KLHL29: variants seen among roughly 807,000 people sequenced by gnomAD.
The protein encoded by KLHL29 is kelch-like protein 29.
KLHL29 carries 21 observed loss-of-function variants against 80.4 expected under a neutral mutation model. The ratio of observed to expected loss-of-function variants is 0.26; its 90% CI spans 0.19 to 0.38. KLHL29 has a LOEUF of 0.38. Among genes scored for constraint, KLHL29 ranks in the 10% least tolerant of loss-of-function variants. The probability of loss-of-function intolerance (pLI) is 1.00; values close to 1 mark genes in which losing one functional copy is unlikely to be tolerated. For synonymous variants in KLHL29, 511 were observed against 526.8 expected, an observed-to-expected ratio of 0.97 and a Z score of 0.41; for missense variants, 867 against 1,223.9, an observed-to-expected ratio of 0.71 and a Z score of 4.35.
intron 3 of KLHL29, among the ~76,000 whole-genome samples, chr2:23,597,419 T>A (rs1351621379): frequency 9.0e-5 from 8 of 88,482 alleles, no homozygotes; most frequent in East Asian, 6.3e-4. Context: ...TTTTTTTTTT[T>A]TTTTTTTTTT....
chr2:23,481,700 G>A (rs575748742), intron 2 of KLHL29, among the ~76,000 whole-genome samples: 6 of 152,220 alleles, frequency 3.9e-5, no homozygotes, highest in East Asian at 1.9e-4. Flanking sequence ...CAGATCATCC[G>A]AGGTCAGGAG....
intron 2 of KLHL29, among the ~76,000 whole-genome samples, chr2:23,523,504 T>G (rs1666174869): frequency 6.6e-6 from 1 of 152,220 alleles, no homozygotes; most frequent in Non-Finnish European, 1.5e-5. Context: ...CCAAAATCCC[T>G]TTCAGCTAAG....
chr2:23,542,966 C>A (rs1403787370), intron 2 of KLHL29, among the ~76,000 whole-genome samples: 1 of 152,222 alleles, frequency 6.6e-6, no homozygotes, highest in East Asian at 1.9e-4. Flanking sequence ...TTAGTCGGGG[C>A]AGGCTAACTA....
At chr2:23,540,867 T>G (rs1666812459) in intron 2 of KLHL29, among the ~76,000 whole-genome samples, 1 of 152,206 alleles carries the variant, frequency 6.6e-6, no homozygotes, top group Non-Finnish European at 1.5e-5. Context: ...CTGGGCATGA[T>G]CCTGAAGGAA....
intron 3 of KLHL29, among the ~76,000 whole-genome samples, chr2:23,633,755 T>TGTGTGTGTGTGTGTGTGTGTGTGTG (rs1558416938): frequency 3.6e-5 from 1 of 27,854 alleles, no homozygotes; most frequent in Non-Finnish European, 5.8e-5. Flanking sequence ...GTCACAGCAC[T>TGTGTGTGTGTGTGTGTGTGTGTGTG]CGTGTGTGTG....
chr2:23,656,079 TATAAA>T (rs1670235521), intron 5 of KLHL29, among the ~76,000 whole-genome samples: 1 of 152,204 alleles, frequency 6.6e-6, no homozygotes, highest in African/African-American at 2.4e-5. Context: ...CTGGCCGTGT[TATAAA>T]AAGAAAGGGA....
At position 23,466,273 on chromosome 2, in the gene KLHL29, A is replaced by G. The variant is rs78987398; in HGVS notation, c.-153-9287A>G. On this transcript the variant is annotated intron_variant, in intron 1 of 13. Transcript: ENST00000486442. ...GACAGAGAGAACCACATCAACTTCT[A>G]AATTTTCTCAATGGAGTGCAATGTG... 6.0e-3 allele frequency among the ~76,000 whole-genome samples: 908 copies of G among 152,326 alleles called. 13 individuals carry two copies. Among genetic ancestry groups the G allele is most frequent in the African/African-American group, 0.021 (867 of 41,560 alleles).
At chr2:23,451,322 G>T (rs1663873202) in intron 1 of KLHL29, among the ~76,000 whole-genome samples, 1 of 152,196 alleles carries the variant, frequency 6.6e-6, no homozygotes, top group African/African-American at 2.4e-5. Flanking sequence ...GGGACCCAGG[G>T]AATGTGAGTT....
chr2:23,566,699 G>C (rs946932250), intron 3 of KLHL29, among the ~76,000 whole-genome samples: 1 of 152,234 alleles, frequency 6.6e-6, no homozygotes, highest in South Asian at 2.1e-4. Context: ...TAGAAGCTGA[G>C]TATGTCTCTG....
At chr2:23,514,399 T>C (rs976696305) in intron 2 of KLHL29, among the ~76,000 whole-genome samples, 5 of 152,080 alleles carry the variant, frequency 3.3e-5, no homozygotes, top group Admixed American at 1.3e-4. Flanking sequence ...GGGTGCAGAG[T>C]GCCAGGTGGG....
intron 2 of KLHL29, among the ~76,000 whole-genome samples, chr2:23,549,460 C>CT (rs879910465): frequency 8.5e-4 from 124 of 145,596 alleles, no homozygotes; most frequent in Admixed American, 2.7e-3. Flanking sequence ...GTCTGGGCTT[C>CT]TTTTTTTTTT....
intron 2 of KLHL29, among the ~76,000 whole-genome samples, chr2:23,519,829 A>G (rs1274497334): frequency 6.6e-6 from 1 of 152,184 alleles, no homozygotes; most frequent in African/African-American, 2.4e-5. Flanking sequence ...GGGAGCTTCC[A>G]GGTCCCAGAT....
chr2:23,550,930 G>A (rs1185983825), intron 2 of KLHL29, among the ~76,000 whole-genome samples: 1 of 152,234 alleles, frequency 6.6e-6, no homozygotes, highest in Non-Finnish European at 1.5e-5. Flanking sequence ...AAGCCTGCTT[G>A]GAGAAGGAAA....
chr2:23,509,963 A>G (rs1665719415), intron 2 of KLHL29, among the ~76,000 whole-genome samples: 1 of 152,174 alleles, frequency 6.6e-6, no homozygotes, highest in Admixed American at 6.5e-5. Flanking sequence ...CTGAAATTCT[A>G]TTTGATTTAT....
chr2:23,677,469 C>T (rs1670954862), intron 5 of KLHL29, among the ~76,000 whole-genome samples: 1 of 152,232 alleles, frequency 6.6e-6, no homozygotes, highest in Non-Finnish European at 1.5e-5. Flanking sequence ...GAGGGTTTGC[C>T]TGCATAGGGC....
rs1254186921 is a variant in KLHL29, at chr2:23,583,383, C to T, written c.285+20902C>T. Among the ~76,000 whole-genome samples, 8 of 152,240 alleles carry T rather than the reference C, an allele frequency of 5.3e-5. No individual in the cohort carries two copies. In the East Asian group the frequency reaches 1.5e-3, roughly 29 times the overall value. On this transcript the variant is annotated intron_variant, in intron 3 of 13. Transcript: ENST00000486442. ...AGGAGCAGCAGGCTGACCTGCTGACCTCGTCTCTGCTGAGTTGAAATGAAA... is the reference window on the plus strand; with the variant it reads ...AGGAGCAGCAGGCTGACCTGCTGACTTCGTCTCTGCTGAGTTGAAATGAAA...
At chr2:23,642,893 C>T (rs957884188) in intron 5 of KLHL29, 43 bp downstream of exon 5, 1 of 1,548,352 alleles carries the variant, frequency 6.5e-7, no homozygotes, top group African/African-American at 1.4e-5. Flanking sequence ...CCTGCGTCTG[C>T]ACCTCCCTGC....
intron 3 of KLHL29, among the ~76,000 whole-genome samples, chr2:23,603,120 C>G (rs761050476): frequency 1.3e-5 from 2 of 152,158 alleles, no homozygotes; most frequent in Non-Finnish European, 2.9e-5. Flanking sequence ...AGTGACCCCC[C>G]ACCCCAGGGC....
chr2:23,622,249 C>T (rs56958963), intron 3 of KLHL29, among the ~76,000 whole-genome samples: 2 of 152,164 alleles, frequency 1.3e-5, no homozygotes, highest in Non-Finnish European at 2.9e-5. Flanking sequence ...GCATCACATT[C>T]CCTGTGCCCA....
Sources: gnomAD v4.1 joint callset for allele counts (sites outside exome capture counted in the v4.1 genomes callset) on GRCh38, gnomAD v4.1.1 for gene constraint, MANE v1.5 for transcripts, NCBI Gene and HGNC (gene_info 2026-07-23, HGNC 2026-07-21) for gene names.